The following CACNA2D3 variants were observed in gnomAD, a reference collection of about 807,000 sequenced individuals.
The protein encoded by CACNA2D3 is voltage-dependent calcium channel subunit alpha-2/delta-3.
A neutral mutation model predicts 160.6 loss-of-function variants in CACNA2D3; 60 were observed. That is an observed-to-expected ratio of 0.37 (90% CI 0.30 to 0.46). CACNA2D3 has a LOEUF of 0.46. Among genes scored for constraint, CACNA2D3 ranks in the 20% least tolerant of loss-of-function variants. The probability of loss-of-function intolerance (pLI) is 1.00; values close to 1 mark genes in which losing one functional copy is unlikely to be tolerated. For missense variants in CACNA2D3, 1,205 were observed against 1,365.0 expected, an observed-to-expected ratio of 0.88 and a Z score of 1.85; for synonymous variants, 558 against 492.9, an observed-to-expected ratio of 1.13 and a Z score of -1.75.
intron 8 of CACNA2D3, among the ~76,000 whole-genome samples, chr3:54,578,271 C>T (rs1193813644): frequency 6.6e-6 from 1 of 152,154 alleles, no homozygotes; most frequent in Non-Finnish European, 1.5e-5. Flanking sequence ...CAGATTATTT[C>T]ACTAGGGATC....
chr3:54,559,373 A>T (rs1427540394), intron 5 of CACNA2D3, among the ~76,000 whole-genome samples: 1 of 149,626 alleles, frequency 6.7e-6, no homozygotes, highest in African/African-American at 2.5e-5. Flanking sequence ...TCTCGGCTCA[A>T]CCTCCGCCTC....
intron 3 of CACNA2D3, among the ~76,000 whole-genome samples, chr3:54,383,085 C>T (rs865922194): frequency 1.3e-5 from 2 of 152,118 alleles, no homozygotes; most frequent in Admixed American, 1.3e-4. Context: ...TGGGCTCATA[C>T]GATCCGCCCC....
chr3:54,707,158 G>A (rs1022152817), intron 11 of CACNA2D3, among the ~76,000 whole-genome samples: 9 of 152,190 alleles, frequency 5.9e-5, no homozygotes, highest in South Asian at 2.1e-4. Context: ...CATGAAGGCC[G>A]AACAATTCAT....
intron 11 of CACNA2D3, among the ~76,000 whole-genome samples, chr3:54,717,776 T>C (rs1168013214): frequency 2.2e-5 from 2 of 90,040 alleles, no homozygotes; most frequent in African/African-American, 7.4e-5. Flanking sequence ...GTGTGGTGTG[T>C]GTGCATGTGC....
At chr3:54,123,487 T>C (rs374664194) in intron 1 of CACNA2D3, 26 bp from the exon 2 acceptor site, 24 of 1,579,832 alleles carry the variant, frequency 1.5e-5, no homozygotes, top group Non-Finnish European at 2.0e-5. Context: ...GTGTTACATA[T>C]CTTCCTGTGC....
chr3:54,618,375 GC>G (rs1698906531), intron 9 of CACNA2D3, among the ~76,000 whole-genome samples: 1 of 115,514 alleles, frequency 8.7e-6, no homozygotes, highest in Non-Finnish European at 1.7e-5. Context: ...ATATATATAT[GC>G]ACACACACAC....
At chr3:54,883,636 T>A (rs961478657) in intron 21 of CACNA2D3, among the ~76,000 whole-genome samples, 1 of 152,150 alleles carries the variant, frequency 6.6e-6, no homozygotes, top group African/African-American at 2.4e-5. Flanking sequence ...GACTTGACAC[T>A]CTAAACCCAG....
chr3:54,635,741 G>C (rs1264853267), intron 10 of CACNA2D3, among the ~76,000 whole-genome samples: 1 of 151,772 alleles, frequency 6.6e-6, no homozygotes, highest in Admixed American at 6.6e-5. Context: ...ATGGAGGACT[G>C]TAAGGGATAT....
chr3:55,057,761 A>G (rs997432089), intron 35 of CACNA2D3, among the ~76,000 whole-genome samples: 1 of 151,940 alleles, frequency 6.6e-6, no homozygotes, highest in Non-Finnish European at 1.5e-5. Context: ...TCCCACCTCC[A>G]TTTTTTTCTT....
At chr3:54,658,365 C>T (rs1412085899) in intron 11 of CACNA2D3, among the ~76,000 whole-genome samples, 1 of 152,120 alleles carries the variant, frequency 6.6e-6, no homozygotes, top group Non-Finnish European at 1.5e-5. Flanking sequence ...TGGTAATAGC[C>T]ATCCTAACAG....
intron 2 of CACNA2D3, among the ~76,000 whole-genome samples, chr3:54,269,551 A>G (rs1022244893): frequency 6.6e-6 from 1 of 152,176 alleles, no homozygotes; most frequent in African/African-American, 2.4e-5. Flanking sequence ...GTGCCCACAC[A>G]TGATTGGTGT....
At chr3:54,966,758 G>A (rs1340537234) in intron 27 of CACNA2D3, among the ~76,000 whole-genome samples, 1 of 152,192 alleles carries the variant, frequency 6.6e-6, no homozygotes, top group African/African-American at 2.4e-5. Flanking sequence ...AGCAGAGGTT[G>A]CAGTGAGCTG....
chr3:54,699,538 G>A (rs1019289407), intron 11 of CACNA2D3, among the ~76,000 whole-genome samples: 3 of 152,128 alleles, frequency 2.0e-5, no homozygotes, highest in Non-Finnish European at 2.9e-5. Context: ...TTAGTTTTAC[G>A]TCCTGCTGCC....
intron 17 of CACNA2D3, among the ~76,000 whole-genome samples, chr3:54,862,941 C>T (rs866584105): frequency 3.9e-5 from 6 of 152,188 alleles, no homozygotes; most frequent in South Asian, 4.1e-4. Flanking sequence ...AACGGTCTGA[C>T]GGCTCCACAT....
intron 14 of CACNA2D3, among the ~76,000 whole-genome samples, chr3:54,825,739 A>G (rs917645550): frequency 6.6e-6 from 1 of 152,250 alleles, no homozygotes; most frequent in South Asian, 2.1e-4. Context: ...CAAGAACACC[A>G]TTTTAACACT....
At chr3:54,863,061 T>C (rs1181023607) in intron 17 of CACNA2D3, among the ~76,000 whole-genome samples, 1 of 152,210 alleles carries the variant, frequency 6.6e-6, no homozygotes, top group Non-Finnish European at 1.5e-5. Context: ...ACTTTCAAAT[T>C]ATAGAGGTCC....
chr3:54,196,141 T>C (rs1701075715), intron 2 of CACNA2D3, among the ~76,000 whole-genome samples: 1 of 152,262 alleles, frequency 6.6e-6, no homozygotes, highest in African/African-American at 2.4e-5. Context: ...TTCAGTATCA[T>C]TATGCCTAAG....
At chr3:54,997,212 C>A (rs1189021673) in intron 31 of CACNA2D3, among the ~76,000 whole-genome samples, 1 of 152,116 alleles carries the variant, frequency 6.6e-6, no homozygotes, top group Non-Finnish European at 1.5e-5. Flanking sequence ...TTCCTGCCTG[C>A]AAGCTACTTA....
chr3:54,350,986 G>GTTTTTTTTTTTT (rs796392854), intron 3 of CACNA2D3, among the ~76,000 whole-genome samples: 14 of 65,952 alleles, frequency 2.1e-4, no homozygotes, highest in South Asian at 5.1e-4. Flanking sequence ...TTTTTTGTTT[G>GTTTTTTTTTTTT]TTTTTTTTTT....
Sources: allele counts gnomAD v4.1 joint callset (sites outside exome capture counted in the v4.1 genomes callset), GRCh38; gene constraint gnomAD v4.1.1; transcripts MANE v1.5; gene names NCBI Gene and HGNC (gene_info 2026-07-23, HGNC 2026-07-21).